ADAM19: variants seen among roughly 807,000 people sequenced by gnomAD.
ADAM19 encodes the protein disintegrin and metalloproteinase domain-containing protein 19.
Under a neutral mutation model 114.7 loss-of-function variants are expected in ADAM19, and 65 were observed. The ratio of observed to expected loss-of-function variants is 0.57; its 90% CI spans 0.46 to 0.70. The LOEUF is 0.70. Among genes scored for constraint, ADAM19 ranks in the 30% least tolerant of loss-of-function variants. The pLI, the probability that ADAM19 is intolerant of heterozygous loss-of-function variation, is 0.00. For missense variants in ADAM19, 1,063 were observed against 1,204.7 expected (o/e 0.88, Z 1.74); for synonymous variants, 466 against 460.5 (o/e 1.01, Z -0.15).
At position 157,556,209 on chromosome 5, in the gene ADAM19, C is replaced by CTTTTTTT. The variant is rs68078503; in HGVS notation, c.251+8157_251+8163dup. ...TTATAACCTGTTTTTTTTTCTTTTT[C>CTTTTTTT]TTTTTTTTTTTTTTTTTTTTTTTTT... On this transcript the variant is annotated intron_variant, in intron 3 of 22. Coordinates refer to ENST00000257527, the MANE Select transcript of ADAM19 (RefSeq NM_033274.5). Among the ~76,000 whole-genome samples, 225 of 66,318 alleles carry CTTTTTTT rather than the reference C, an allele frequency of 3.4e-3. 2 individuals carry two copies. The highest frequency in any genetic ancestry group is 8.9e-3 in the East Asian group (19 of 2,136). The allele number at this position is 66,318 out of a possible 152,430, so 43.5% of individuals were successfully genotyped here. A position where few individuals can be genotyped will look rare whatever the true frequency, so the allele number is the denominator to read the frequency against.
chr5:157,553,353 G>T (rs1267989206), intron 3 of ADAM19, among the ~76,000 whole-genome samples: 2 of 152,020 alleles, frequency 1.3e-5, no homozygotes, highest in South Asian at 4.2e-4. Flanking sequence ...AAAAGGAAAA[G>T]ATAAAATTAC....
chr5:157,502,759 A>G (rs767557235), intron 12 of ADAM19, 44 bp downstream of exon 12: 63 of 1,595,680 alleles, frequency 3.9e-5, no homozygotes, highest in South Asian at 2.0e-4. Context: ...TTTGAAACCA[A>G]TGCAAATTCT....
intron 3 of ADAM19, among the ~76,000 whole-genome samples, chr5:157,558,370 G>A (rs1757420917): frequency 1.3e-5 from 2 of 152,270 alleles, no homozygotes; most frequent in South Asian, 4.1e-4. Context: ...GTAGAGTTTG[G>A]AAAAACATTT....
intron 13 of ADAM19, among the ~76,000 whole-genome samples, chr5:157,499,288 A>G (rs746920719): frequency 3.3e-5 from 5 of 152,220 alleles, no homozygotes; most frequent in Non-Finnish European, 5.9e-5. Context: ...TATGAGCTCA[A>G]TAAAATCAAG....
intron 3 of ADAM19, 105 bp downstream of exon 3, chr5:157,564,268 T>G: frequency 9.8e-7 from 1 of 1,024,412 alleles, no homozygotes; most frequent in Non-Finnish European, 1.5e-6. Context: ...ACTGAGAGCT[T>G]GGGGTCACTC....
intron 21 of ADAM19, among the ~76,000 whole-genome samples, chr5:157,483,460 G>A (rs1754827633): frequency 6.6e-6 from 1 of 152,158 alleles, no homozygotes; most frequent in African/African-American, 2.4e-5. Context: ...GTGGGGAGAT[G>A]TTCAAGAGTT....
rs1755114355 is a variant in ADAM19, at chr5:157,490,458, C to G, written c.2096-4G>C. On this transcript the variant is annotated splice_polypyrimidine_tract_variant and splice_region_variant and intron_variant, in intron 18 of 22. Coordinates refer to ENST00000257527, the MANE Select transcript of ADAM19 (RefSeq NM_033274.5). ...CCAGCTACCACAGGACCCACACCTTCCAGAAACAGAACCCAAGTGGGAGAT... is the reference window on the plus strand; with the variant it reads ...CCAGCTACCACAGGACCCACACCTTGCAGAAACAGAACCCAAGTGGGAGAT... 5 of 1,613,408 alleles carry G rather than the reference C, an allele frequency of 3.1e-6. No individual in the cohort carries two copies. In the East Asian group the frequency reaches 1.1e-4, roughly 36 times the overall value.
chr5:157,529,746 T>C (rs775282911), intron 5 of ADAM19, among the ~76,000 whole-genome samples: 53 of 152,136 alleles, frequency 3.5e-4, no homozygotes, highest in Non-Finnish European at 5.1e-4. Context: ...CATATATTCT[T>C]TTTATCCACA....
intron 4 of ADAM19, among the ~76,000 whole-genome samples, chr5:157,537,487 T>C (rs1353484240): frequency 6.6e-6 from 1 of 152,150 alleles, no homozygotes; most frequent in Non-Finnish European, 1.5e-5. Flanking sequence ...ACAAAATGTA[T>C]ATGCACAGTG....
rs1015536611 is a variant in ADAM19, at chr5:157,560,979, G to A, written c.251+3394C>T. On this transcript the variant is annotated intron_variant, in intron 3 of 22. Transcript: ENST00000257527. ...CTGTGGCTCTGGCTCTATGACATGG[G>A]ACTATAATTACACCCCAGATGCACA... Among the ~76,000 whole-genome samples, 16 of 152,260 alleles carry A rather than the reference G, an allele frequency of 1.1e-4. No individual in the cohort carries two copies. In the East Asian group the frequency reaches 1.7e-3, roughly 17 times the overall value.
chr5:157,518,439 C>T (rs1453182262), intron 7 of ADAM19, among the ~76,000 whole-genome samples: 1 of 152,146 alleles, frequency 6.6e-6, no homozygotes, highest in African/African-American at 2.4e-5. Flanking sequence ...GGCTGGAGTG[C>T]AGTGGCATGA....
At chr5:157,543,407 C>G (rs1171424228) in intron 3 of ADAM19, among the ~76,000 whole-genome samples, 1 of 152,130 alleles carries the variant, frequency 6.6e-6, no homozygotes, top group Non-Finnish European at 1.5e-5. Context: ...CGTGTGAATT[C>G]AGACTGGTCA....
chr5:157,527,368 G>A (rs537864207), intron 5 of ADAM19, among the ~76,000 whole-genome samples: 127 of 152,214 alleles, frequency 8.3e-4, no homozygotes, highest in Middle Eastern at 3.4e-3. Flanking sequence ...CCACCACCAC[G>A]CCTGACTAAT....
At chr5:157,545,517 C>G (rs557651765) in intron 3 of ADAM19, among the ~76,000 whole-genome samples, 1 of 152,284 alleles carries the variant, frequency 6.6e-6, no homozygotes, top group East Asian at 1.9e-4. Context: ...TTCCCTCATT[C>G]TATGCGTTGC....
intron 5 of ADAM19, among the ~76,000 whole-genome samples, chr5:157,528,384 A>T (rs1167260615): frequency 6.6e-6 from 1 of 152,178 alleles, no homozygotes; most frequent in East Asian, 1.9e-4. Flanking sequence ...ACTGCTCCAG[A>T]CTGAGGGGAT....
intron 3 of ADAM19, among the ~76,000 whole-genome samples, chr5:157,558,357 C>T (rs1294473153): frequency 6.6e-6 from 1 of 152,176 alleles, no homozygotes; most frequent in Non-Finnish European, 1.5e-5. Flanking sequence ...AGCCCAGCTG[C>T]GAGTAGAGTT....
At chr5:157,504,493 T>C (rs1295727570) in intron 11 of ADAM19, among the ~76,000 whole-genome samples, 2 of 152,126 alleles carry the variant, frequency 1.3e-5, no homozygotes, top group African/African-American at 4.8e-5. Context: ...TCAGGTGAAC[T>C]GCCCACCTCA....
In ADAM19 at chr5:157,502,797, C is replaced by T. The variant is rs1488642280; in HGVS notation, c.1308+6G>A. 3.7e-6 allele frequency: 6 copies of T among 1,612,242 alleles called. No individual in the cohort carries two copies. The highest frequency in any genetic ancestry group is 5.1e-6 in the Non-Finnish European group (6 of 1,178,430). ...CCCTCCCACTAGCACCATTGTGACCCCTCACCTCTTCTTCTCCACAGTCAC... is the reference window on the plus strand; with the variant it reads ...CCCTCCCACTAGCACCATTGTGACCTCTCACCTCTTCTTCTCCACAGTCAC... On this transcript the variant is annotated splice_donor_region_variant and intron_variant, in intron 12 of 22. Coordinates refer to ENST00000257527, the MANE Select transcript of ADAM19 (RefSeq NM_033274.5).
intron 2 of ADAM19, among the ~76,000 whole-genome samples, chr5:157,564,744 C>T (rs1757607052): frequency 6.6e-6 from 1 of 152,166 alleles, no homozygotes; most frequent in South Asian, 2.1e-4. Context: ...CAGTAAATGT[C>T]CTGCAGAGTC....
Sources: gnomAD v4.1 joint callset for allele counts (sites outside exome capture counted in the v4.1 genomes callset) on GRCh38, gnomAD v4.1.1 for gene constraint, MANE v1.5 for transcripts, NCBI Gene and HGNC (gene_info 2026-07-23, HGNC 2026-07-21) for gene names.